Variants in LVRN observed in about 807,000 individuals in gnomAD.
LVRN encodes the protein aminopeptidase Q.
LVRN carries 99 observed loss-of-function variants against 111.4 expected under a neutral mutation model. The observed-to-expected ratio is 0.89, with a 90% CI of 0.76 to 1.05. The LOEUF (loss-of-function observed/expected upper bound fraction) is 1.05. Ranked by LOEUF, LVRN falls within the 50% of genes least tolerant of loss-of-function variation. The pLI is 0.00. For synonymous variants in LVRN, 488 were observed against 449.5 expected (o/e 1.09, Z -1.08); for missense variants, 1,414 against 1,206.8 (o/e 1.17, Z -2.54).
intron 1 of LVRN, among the ~76,000 whole-genome samples, chr5:115,979,718 T>G (rs1387245842): frequency 1.3e-5 from 2 of 152,174 alleles, no homozygotes; most frequent in African/African-American, 4.8e-5. Context: ...CACAGTCCAG[T>G]AGTGTAACAT....
intron 1 of LVRN, among the ~76,000 whole-genome samples, chr5:115,979,897 G>C (rs1299073953): frequency 6.6e-6 from 1 of 152,182 alleles, no homozygotes; most frequent in African/African-American, 2.4e-5. Flanking sequence ...GAATGAAATA[G>C]CTTACTGAGT....
intron 1 of LVRN, among the ~76,000 whole-genome samples, chr5:115,965,973 G>C (rs549604384): frequency 1.3e-5 from 2 of 152,098 alleles, no homozygotes; most frequent in South Asian, 2.1e-4. Context: ...TTTTTATTTT[G>C]AAATAATTAT....
intron 1 of LVRN, among the ~76,000 whole-genome samples, chr5:115,970,117 T>A (rs1489841014): frequency 6.6e-6 from 1 of 152,140 alleles, no homozygotes; most frequent in African/African-American, 2.4e-5. Context: ...CAAAACTTGA[T>A]AAGTTTTGGC....
At chr5:116,001,802 A>G (rs1748244651) in intron 10 of LVRN, among the ~76,000 whole-genome samples, 1 of 152,206 alleles carries the variant, frequency 6.6e-6, no homozygotes, top group African/African-American at 2.4e-5. Context: ...CAAAAATTCA[A>G]ACCTTAGGTA....
In LVRN at chr5:115,999,977, A is replaced by G. The variant is rs946066459; in HGVS notation, c.1515+75A>G. 4.2e-6 allele frequency: 6 copies of G among 1,443,280 alleles called. No individual in the cohort carries two copies. The African/African-American group carries it at 4.3e-5, about 10-fold the overall frequency. The allele number at this position is 1,443,280 out of a possible 1,614,324, so 89.4% of individuals were successfully genotyped here. ...GCATAAAATGGATTCTAAGGGTCCT[A>G]TATCATCATACAACTTAAAACATTT... is the stretch of plus-strand genomic sequence containing the variant. On this transcript the variant is annotated intron_variant, in intron 7 of 19. Transcript: ENST00000357872.
Position 115,962,865 on chromosome 5 carries a change from C to T in LVRN, c.248C>T (p.Thr83Ile). 1.2e-6 allele frequency: 2 copies of T among 1,613,030 alleles called. No homozygotes were observed. Among genetic ancestry groups the T allele is most frequent in the Non-Finnish European group, 8.5e-7 (1 of 1,179,776 alleles). ...GCACGCGAGCTAGCGGTGACGACCA[C>T]CCCGAGCAACTGGCGACCCCCGGGG... The part of the protein sequence containing the change: ...SSARELAVTT[T>I]PSNWRPPGPW... Residue 83 changes from threonine (T) to isoleucine (I), a missense_variant, in exon 1 of 20, where the codon ACC (threonine) becomes ATC (isoleucine). Coordinates refer to ENST00000357872, the MANE Select transcript of LVRN (RefSeq NM_173800.5).
intron 1 of LVRN, among the ~76,000 whole-genome samples, chr5:115,969,683 C>A (rs1180337342): frequency 1.3e-5 from 2 of 151,740 alleles, no homozygotes; most frequent in Non-Finnish European, 2.9e-5. Context: ...ACCTGTAGTC[C>A]CAGCTACTCA....
chr5:115,984,219 G>A (rs1747797687), intron 2 of LVRN, among the ~76,000 whole-genome samples: 2 of 152,110 alleles, frequency 1.3e-5, no homozygotes, highest in African/African-American at 4.8e-5. Context: ...CCTACCGTGG[G>A]GCCTAGGCAG....
Position 116,025,574 on chromosome 5 carries a change from C to A in LVRN, c.2833-404C>A, listed in dbSNP as rs1307027265. Among the ~76,000 whole-genome samples, 3 of 152,192 alleles carry A rather than the reference C, an allele frequency of 2.0e-5. No individual in the cohort carries two copies. The East Asian group carries it at 5.8e-4, about 29-fold the overall frequency. On this transcript the variant is annotated intron_variant, in intron 19 of 19. Transcript: ENST00000357872. ...ATAAAGAATGACATTTGTAAAACTG[C>A]AAATATTATGTACCAATTTTGAGCT...
intron 1 of LVRN, among the ~76,000 whole-genome samples, chr5:115,972,394 C>A (rs961705513): frequency 3.9e-4 from 59 of 150,950 alleles, no homozygotes; most frequent in African/African-American, 1.4e-3. Flanking sequence ...ATTCCAATTT[C>A]TAATTGTTGC....
chr5:115,984,039 G>A (rs781093583), intron 2 of LVRN, among the ~76,000 whole-genome samples: 10 of 152,270 alleles, frequency 6.6e-5, no homozygotes, highest in Middle Eastern at 3.4e-3. Flanking sequence ...TCCTGCAGCC[G>A]CTTCTCAGAT....
In LVRN at chr5:115,999,796, T is replaced by C; in HGVS notation, c.1409T>C (p.Ile470Thr). Residue 470 changes from isoleucine to threonine, a missense_variant, in exon 7 of 20, where the codon ATC (isoleucine) becomes ACC (threonine). Ile to Thr is a moderately conservative substitution (Grantham distance 89, BLOSUM62 -1). Coordinates refer to ENST00000357872, the MANE Select transcript of LVRN (RefSeq NM_173800.5). Reference protein sequence around the residue: ...EIFFSNILHNILREDHALVTR... With the variant: ...EIFFSNILHNTLREDHALVTR... The stretch of plus-strand genomic sequence containing the variant: ...TTTTTTTCTAACATTTTACATAATA[T>C]CCTCAGAGAAGATCACGCCCTGGTG... 1 of 1,612,984 alleles carries C rather than the reference T, an allele frequency of 6.2e-7. No homozygotes were observed. Among genetic ancestry groups the C allele is most frequent in the South Asian group, 1.1e-5 (1 of 90,880 alleles).
intron 1 of LVRN, among the ~76,000 whole-genome samples, chr5:115,964,737 T>C (rs1227173629): frequency 1.3e-5 from 2 of 152,236 alleles, no homozygotes; most frequent in African/African-American, 4.8e-5. Flanking sequence ...TTTTCTATTG[T>C]GTTGCTAACT....
chr5:116,026,286 G>A lies in LVRN; in HGVS notation c.*168G>A. ...TCATATTGTCATGTTTGGCCCTGAG[G>A]GTGGGTGATTGCTGACAATTTTGCC... is the stretch of plus-strand genomic sequence containing the variant. On this transcript the variant is annotated 3_prime_UTR_variant, in exon 20 of 20. Transcript: ENST00000357872. 9.7e-7 allele frequency: 1 copy of A among 1,028,336 alleles called. No homozygotes were observed. The highest frequency in any genetic ancestry group is 2.7e-5 in the East Asian group (1 of 36,378). 63.7% of individuals were successfully genotyped at this position (1,028,336 alleles called of 1,614,324 possible). A position where few individuals can be genotyped will look rare whatever the true frequency, so the allele number is the denominator to read the frequency against.
chr5:116,021,605 A>AT (rs1183997730), intron 18 of LVRN: 4 of 315,490 alleles, frequency 1.3e-5, no homozygotes, highest in African/African-American at 8.9e-5. Flanking sequence ...TCAAGTACAT[A>AT]TTTTTGAAGT....
intron 12 of LVRN, among the ~76,000 whole-genome samples, chr5:116,004,797 C>T (rs143557698): frequency 1.9e-4 from 29 of 152,100 alleles, no homozygotes; most frequent in Non-Finnish European, 3.8e-4. Context: ...AAAGGGTTAT[C>T]GTGAAGATTA....
At chr5:116,004,218 C>T (rs374071081) in intron 12 of LVRN, among the ~76,000 whole-genome samples, 1 of 152,222 alleles carries the variant, frequency 6.6e-6, no homozygotes, top group East Asian at 1.9e-4. Context: ...TCCAATATCA[C>T]TTTATATTAT....
chr5:115,996,917 C>G (rs181942566), intron 6 of LVRN, among the ~76,000 whole-genome samples: 78 of 152,274 alleles, frequency 5.1e-4, no homozygotes, highest in African/African-American at 1.9e-3. Context: ...TGCAGTCATT[C>G]AACAGATGAT....
At chr5:116,022,601 T>A in intron 19 of LVRN, 135 bp downstream of exon 19, 2 of 634,604 alleles carry the variant, frequency 3.2e-6, no homozygotes, top group Non-Finnish European at 5.5e-6. Flanking sequence ...GCTGTATCAC[T>A]GTGAAAGAAG....
Sources: allele counts gnomAD v4.1 joint callset (sites outside exome capture counted in the v4.1 genomes callset), GRCh38; gene constraint gnomAD v4.1.1; transcripts MANE v1.5; gene names NCBI Gene and HGNC (gene_info 2026-07-23, HGNC 2026-07-21).